TENM4: variants seen among roughly 807,000 people sequenced by gnomAD.
TENM4 encodes the protein teneurin-4.
Under a neutral mutation model 243.3 loss-of-function variants are expected in TENM4, and 82 were observed. That is an observed-to-expected ratio of 0.34 (90% CI 0.28 to 0.40). TENM4 has a LOEUF of 0.40. TENM4 is among the 10% of genes least tolerant of loss of function. TENM4 has a pLI of 1.00. For missense variants in TENM4, 3,138 were observed against 3,673.3 expected, an observed-to-expected ratio of 0.85 and a Z score of 3.77; for synonymous variants, 1,412 against 1,456.3, an observed-to-expected ratio of 0.97 and a Z score of 0.69.
At chr11:78,835,091 C>T (rs1858072221) in intron 12 of TENM4, among the ~76,000 whole-genome samples, 1 of 152,104 alleles carries the variant, frequency 6.6e-6, no homozygotes, top group South Asian at 2.1e-4. Context: ...AATCATTACT[C>T]TTATTATAGT....
At chr11:78,751,002 C>G (rs1008767054) in intron 19 of TENM4, among the ~76,000 whole-genome samples, 1 of 152,132 alleles carries the variant, frequency 6.6e-6, no homozygotes, top group African/African-American at 2.4e-5. Context: ...ACCTCAGCTT[C>G]CTGAGTAGCA....
At chr11:79,065,197 G>T (rs1860213431) in intron 5 of TENM4, among the ~76,000 whole-genome samples, 190 bp from the exon 6 acceptor site, 1 of 152,160 alleles carries the variant, frequency 6.6e-6, no homozygotes, top group Non-Finnish European at 1.5e-5. Context: ...CTCTTCATCA[G>T]CCTGAACCCT....
At chr11:79,323,994 G>T (rs912677125) in intron 1 of TENM4, among the ~76,000 whole-genome samples, 1 of 152,074 alleles carries the variant, frequency 6.6e-6, no homozygotes, top group African/African-American at 2.4e-5. Context: ...GGGATTGGTT[G>T]CAGGAACACT....
chr11:79,295,504 TAA>T (rs1856434463), intron 2 of TENM4, among the ~76,000 whole-genome samples: 2 of 152,124 alleles, frequency 1.3e-5, no homozygotes, highest in Non-Finnish European at 2.9e-5. Context: ...ACAAAGACCC[TAA>T]GTGTCCTGCC....
intron 6 of TENM4, among the ~76,000 whole-genome samples, chr11:78,934,574 G>A (rs937525109): frequency 6.6e-6 from 1 of 152,176 alleles, no homozygotes; most frequent in African/African-American, 2.4e-5. Context: ...GTGCTATTAG[G>A]AGTGCTTATG....
At chr11:79,090,823 G>C (rs1289896292) in intron 4 of TENM4, among the ~76,000 whole-genome samples, 1 of 152,178 alleles carries the variant, frequency 6.6e-6, no homozygotes, top group Admixed American at 6.5e-5. Flanking sequence ...CCTGTGTTGG[G>C]CATGAGGCTG....
At chr11:78,872,597 C>A (rs963478861) in intron 9 of TENM4, among the ~76,000 whole-genome samples, 20 of 152,226 alleles carry the variant, frequency 1.3e-4, no homozygotes, top group Non-Finnish European at 2.6e-4. Flanking sequence ...TTCCAACTTG[C>A]AAAGGACCAG....
intron 4 of TENM4, among the ~76,000 whole-genome samples, chr11:79,086,002 TAAGTCACCAG>T (rs1860803260): frequency 6.6e-6 from 1 of 152,228 alleles, no homozygotes; most frequent in South Asian, 2.1e-4. Context: ...TATTTATTAC[TAAGTCACCAG>T]AACGACTCTG....
chr11:79,009,260 G>A (rs976225715), intron 6 of TENM4, among the ~76,000 whole-genome samples: 1 of 152,130 alleles, frequency 6.6e-6, no homozygotes, highest in African/African-American at 2.4e-5. Context: ...TTACCCCAAG[G>A]TTATCTCAGG....
chr11:79,162,057 C>A (rs1370987808), intron 3 of TENM4, among the ~76,000 whole-genome samples: 1 of 152,282 alleles, frequency 6.6e-6, no homozygotes, highest in Non-Finnish European at 1.5e-5. Context: ...TATGAAGTGG[C>A]CTATGGAAAG....
intron 6 of TENM4, among the ~76,000 whole-genome samples, chr11:79,056,150 T>C (rs1859937194): frequency 6.6e-6 from 1 of 152,186 alleles, no homozygotes; most frequent in South Asian, 2.1e-4. Flanking sequence ...CTGAAACATC[T>C]TTCGGTAGGA....
intron 26 of TENM4, among the ~76,000 whole-genome samples, chr11:78,708,961 T>C (rs1422599799): frequency 1.6e-4 from 21 of 128,068 alleles, no homozygotes; most frequent in Admixed American, 3.7e-4. Context: ...TTTTCTTTCT[T>C]TTTCTTTCTT....
At chr11:79,241,098 G>A (rs1864579532) in intron 2 of TENM4, among the ~76,000 whole-genome samples, 1 of 151,860 alleles carries the variant, frequency 6.6e-6, no homozygotes, top group Non-Finnish European at 1.5e-5. Flanking sequence ...TGAAAAGAAG[G>A]CAGAATGTAT....
At chr11:79,267,621 T>A (rs1290283873) in intron 2 of TENM4, among the ~76,000 whole-genome samples, 1 of 152,188 alleles carries the variant, frequency 6.6e-6, no homozygotes, top group Non-Finnish European at 1.5e-5. Context: ...AAGAGGATAA[T>A]CATCTTTACC....
intron 1 of TENM4, among the ~76,000 whole-genome samples, chr11:79,417,852 A>G (rs1858851309): frequency 6.6e-6 from 1 of 152,072 alleles, no homozygotes; most frequent in Admixed American, 6.6e-5. Context: ...ATCACTCCAC[A>G]TTTCCCTACT....
At chr11:79,024,596 AT>A (rs1270557436) in intron 6 of TENM4, among the ~76,000 whole-genome samples, 2 of 151,970 alleles carry the variant, frequency 1.3e-5, no homozygotes, top group African/African-American at 2.4e-5. Context: ...ATCTGTGTAC[AT>A]TTTTTTCTCC....
At chr11:78,761,703 C>T (rs1856434124) in intron 18 of TENM4, among the ~76,000 whole-genome samples, 1 of 152,110 alleles carries the variant, frequency 6.6e-6, no homozygotes, top group African/African-American at 2.4e-5. Flanking sequence ...AGCACACCCC[C>T]CCAGCCCCGA....
rs1184907754 is a variant in TENM4 at position 78,786,838 on chromosome 11, C to A, written c.2365+60G>T. The A allele has an allele frequency of 3.2e-6, 5 of 1,556,070 alleles. No homozygotes were observed. In the African/African-American group the frequency reaches 6.8e-5, roughly 21 times the overall value. On this transcript the variant is annotated intron_variant, in intron 16 of 33. Coordinates refer to ENST00000278550, the MANE Select transcript of TENM4 (RefSeq NM_001098816.3). The stretch of plus-strand genomic sequence containing the variant: ...GGCCCAGGCTGGCCCTGAAATGCCC[C>A]AACAGACAAAGATGTCCTGCAGACC...
At chr11:79,399,360 G>A (rs1235580293) in intron 1 of TENM4, among the ~76,000 whole-genome samples, 1 of 152,296 alleles carries the variant, frequency 6.6e-6, no homozygotes, top group East Asian at 1.9e-4. Context: ...TATTTGAAAT[G>A]CTTATGGACA....
Sources: allele counts gnomAD v4.1 joint callset (sites outside exome capture counted in the v4.1 genomes callset), GRCh38; gene constraint gnomAD v4.1.1; transcripts MANE v1.5; gene names NCBI Gene and HGNC (gene_info 2026-07-23, HGNC 2026-07-21).